Variants in COL1A2 observed in about 807,000 individuals in gnomAD.
COL1A2 encodes the protein collagen alpha-2(I) chain.
In COL1A2, 49 loss-of-function variants were observed where a neutral mutation model predicts 174.3. That is an observed-to-expected ratio of 0.28 (90% CI 0.22 to 0.36). The LOEUF (loss-of-function observed/expected upper bound fraction) is 0.36, where lower values mean the gene tolerates loss of function less well. Ranked by LOEUF, COL1A2 falls within the 10% of genes least tolerant of loss-of-function variation. COL1A2 has a pLI of 1.00. For synonymous variants in COL1A2, 655 were observed against 606.6 expected (o/e 1.08, Z -1.17); for missense variants, 1,438 against 1,822.7 (o/e 0.79, Z 3.84).
At chr7:94,405,336 A>ATGTTGT in intron 10 of COL1A2, 84 bp downstream of exon 10, 1 of 1,300,522 alleles carries the variant, frequency 7.7e-7, no homozygotes, top group Non-Finnish European at 1.1e-6. Flanking sequence ...CTAAATGACA[A>ATGTTGT]CATAGATGTC....
intron 33 of COL1A2, among the ~76,000 whole-genome samples, chr7:94,419,027 C>T (rs1490664087): frequency 2.0e-5 from 3 of 148,932 alleles, no homozygotes; most frequent in Admixed American, 6.8e-5. Flanking sequence ...AAAGATAATC[C>T]CATGACAGTC....
At chr7:94,417,924 TC>T (rs1792075995) in intron 32 of COL1A2, 93 bp downstream of exon 32, 1 of 1,006,556 alleles carries the variant, frequency 9.9e-7, no homozygotes, top group Non-Finnish European at 1.5e-6. Context: ...TGGCAGGTGG[TC>T]TGGTAGCATT....
intron 1 of COL1A2, among the ~76,000 whole-genome samples, chr7:94,397,054 CTCTT>C (rs958445304): frequency 2.6e-4 from 40 of 152,058 alleles, no homozygotes; most frequent in Middle Eastern, 6.8e-3. Flanking sequence ...TTATACAAAA[CTCTT>C]TCTCCGAGAC....
intron 35 of COL1A2, 36 bp from the exon 36 acceptor site, chr7:94,420,355 T>C (rs1303975966): frequency 1.2e-6 from 2 of 1,614,148 alleles, no homozygotes; most frequent in Non-Finnish European, 1.7e-6. Context: ...GAACCTAGGA[T>C]TGATAACACA....
Position 94,409,770 on chromosome 7 carries a change from T to C in COL1A2, c.984T>C (p.Gly328=), listed in dbSNP as rs1260914261. 2 of 1,614,158 alleles carry C rather than the reference T, an allele frequency of 1.2e-6. No homozygotes were observed. The highest frequency in any genetic ancestry group is 1.7e-6 in the Non-Finnish European group (2 of 1,180,030). The change falls in exon 19 of 52, where the codon GGT becomes GGC. Residue 328 remains glycine (G), a synonymous_variant. Coordinates refer to ENST00000297268, the MANE Select transcript of COL1A2 (RefSeq NM_000089.4). ...AGAPGLPGPR[G]IPGPVGAAGA... is the part of the protein sequence containing the mutation. ...CTCCCGGCCTCCCTGGACCCCGCGGTATTCCTGGCCCTGTTGGTGCTGCCG... is the reference window on the plus strand; with the variant it reads ...CTCCCGGCCTCCCTGGACCCCGCGGCATTCCTGGCCCTGTTGGTGCTGCCG...
chr7:94,424,833 A>G (rs888337728), intron 41 of COL1A2: 3 of 493,722 alleles, frequency 6.1e-6, no homozygotes, highest in African/African-American at 3.9e-5. Context: ...TCATCTCCAT[A>G]AAATATATCA....
intron 30 of COL1A2, among the ~76,000 whole-genome samples, chr7:94,416,166 C>CTACT (rs1792038381): frequency 6.6e-6 from 1 of 152,158 alleles, no homozygotes. Flanking sequence ...ATATTATACT[C>CTACT]TAGAAGCAAC....
At chr7:94,418,195 G>C (rs538823298) in intron 32 of COL1A2, among the ~76,000 whole-genome samples, 2 of 152,324 alleles carry the variant, frequency 1.3e-5, no homozygotes, top group Non-Finnish European at 2.9e-5. Context: ...GCAGCCCATT[G>C]TGATGTTGCC....
chr7:94,397,597 A>C, intron 1 of COL1A2, 151 bp from the exon 2 acceptor site: 1 of 506,558 alleles, frequency 2.0e-6, no homozygotes, highest in Non-Finnish European at 3.6e-6. Context: ...CATAATTTCT[A>C]GGTCATTAAA....
At position 94,404,891 on chromosome 7, in the gene COL1A2, A is replaced by T. The variant is rs1584316181; in HGVS notation, c.431A>T (p.Asp144Val). The change falls in exon 9 of 52, where the codon GAT becomes GTT. Residue 144 changes from aspartate to valine, a missense_variant and splice_region_variant. This residue lies in a region of COL1A2 where 281 missense variants were observed against 310.9 expected (regional missense o/e 0.90). Transcript: ENST00000297268. ...PAGPPGKAGE[D>V]GHPGKPGRPG... is the part of the protein sequence containing the mutation. ...GGCCCTCCTGGCAAGGCTGGTGAAG[A>T]TGTAAGTATTTACTCTTAAGCACTT... The T allele has an allele frequency of 1.2e-6, 2 of 1,613,906 alleles. No individual in the cohort carries two copies. The highest frequency in any genetic ancestry group is 3.3e-5 in the Admixed American group (2 of 60,006).
intron 1 of COL1A2, chr7:94,395,333 G>C: frequency 1.6e-6 from 1 of 612,610 alleles, no homozygotes; most frequent in Non-Finnish European, 3.0e-6. Context: ...TTCAGAGTGA[G>C]ACAGTTAACT....
At chr7:94,412,520 T>A (rs1562902201) in intron 24 of COL1A2, 64 bp from the exon 25 acceptor site, 2 of 1,255,726 alleles carry the variant, frequency 1.6e-6, no homozygotes, top group African/African-American at 1.5e-5. Context: ...CGTGGCAGCA[T>A]CATAAGCTTG....
At chr7:94,416,101 T>A (rs771646269) in intron 30 of COL1A2, among the ~76,000 whole-genome samples, 63 of 152,170 alleles carry the variant, frequency 4.1e-4, no homozygotes, top group African/African-American at 1.5e-3. Context: ...TTTTTACCTA[T>A]GGATTTATCA....
At chr7:94,419,680 G>A in intron 34 of COL1A2, 129 bp downstream of exon 34, 1 of 985,372 alleles carries the variant, frequency 1.0e-6, no homozygotes, top group Non-Finnish European at 1.6e-6. Flanking sequence ...CCTAGCTATT[G>A]TGATAGAGCA....
intron 40 of COL1A2, chr7:94,423,465 A>T: frequency 5.6e-6 from 2 of 355,440 alleles, no homozygotes; most frequent in South Asian, 2.6e-5. Context: ...TTTCTTAAAC[A>T]TACACTGTCC....
At chr7:94,420,368 T>C in intron 35 of COL1A2, 23 bp from the exon 36 acceptor site, 2 of 1,614,188 alleles carry the variant, frequency 1.2e-6, no homozygotes, top group Non-Finnish European at 1.7e-6. Context: ...ATAACACATT[T>C]TTAAATCCCT....
chr7:94,428,929 A>G (rs1421108826), intron 50 of COL1A2, among the ~76,000 whole-genome samples: 1 of 152,226 alleles, frequency 6.6e-6, no homozygotes, highest in Admixed American at 6.5e-5. Flanking sequence ...AAGAAGAAGC[A>G]TATGCAAAAA....
At chr7:94,426,395 T>A (rs774540372) in intron 45 of COL1A2, 28 bp from the exon 46 acceptor site, 7 of 1,551,012 alleles carry the variant, frequency 4.5e-6, no homozygotes, top group Middle Eastern at 1.7e-4. Context: ...AAACGGTAAG[T>A]CTTATCCATC....
At chr7:94,403,572 C>A (rs537308381) in intron 6 of COL1A2, among the ~76,000 whole-genome samples, 2 of 152,240 alleles carry the variant, frequency 1.3e-5, no homozygotes, top group African/African-American at 4.8e-5. Flanking sequence ...GTGACAGTTT[C>A]TTTTAATGTC....
Sources: gnomAD v4.1 joint callset for allele counts (sites outside exome capture counted in the v4.1 genomes callset) on GRCh38, gnomAD v4.1.1 for gene constraint, gnomAD v4.1.1 regional missense constraint, MANE v1.5 for transcripts, NCBI Gene and HGNC (gene_info 2026-07-23, HGNC 2026-07-21) for gene names.